Variants in CCSAP observed in about 807,000 individuals in gnomAD.
CCSAP encodes centriole, cilia and spindle-associated protein.
CCSAP carries 17 observed loss-of-function variants against 25.9 expected under a neutral mutation model. The observed-to-expected ratio is 0.66, with a 90% confidence interval of 0.45 to 0.99. The LOEUF (loss-of-function observed/expected upper bound fraction) is 0.99, where lower values mean the gene tolerates loss of function less well. Ranked by LOEUF, CCSAP falls within the 50% of genes least tolerant of loss-of-function variation. CCSAP has a pLI of 0.00. For synonymous variants in CCSAP, 169 were observed against 157.1 expected (o/e 1.08, Z -0.57); for missense variants, 339 against 367.8 (o/e 0.92, Z 0.64).
At position 229,342,011 on chromosome 1, in the gene CCSAP, G is replaced by C. The variant is rs1418289389; in HGVS notation, c.367+88C>G. On this transcript the variant is annotated intron_variant, in intron 2 of 3. Transcript: ENST00000284617. The surrounding 1 kb of genome is among the most constrained non-coding windows in gnomAD (Gnocchi z 7.5). ...AAAAAGGAAGAGCCAGCCCCGAGTG[G>C]CGCAAGAAATAAGAGATCAGCTGCT... 5.6e-6 allele frequency: 7 copies of C among 1,252,938 alleles called. No homozygotes were observed. The highest frequency in any genetic ancestry group is 7.0e-6 in the Non-Finnish European group (7 of 998,080). The allele number at this position is 1,252,938 out of a possible 1,614,324, so 77.6% of individuals were successfully genotyped here.
chr1:229,324,901 A>G lies in CCSAP; in HGVS notation c.*334T>C, dbSNP rs1657906321. 1 of 199,010 alleles carries G rather than the reference A, an allele frequency of 5.0e-6. No individual in the cohort carries two copies. Among genetic ancestry groups the G allele is most frequent in the South Asian group, 9.6e-5 (1 of 10,462 alleles). 12.3% of individuals were successfully genotyped at this position (199,010 alleles called of 1,614,324 possible). ...CCTAAGCTTATGAAAAGAATACTGA[A>G]CTGTAAGCATCTGTTGCCATTTAAA... On this transcript the variant is annotated 3_prime_UTR_variant, in exon 4 of 4. Coordinates refer to ENST00000284617, the MANE Select transcript of CCSAP (RefSeq NM_145257.5).
chr1:229,338,069 A>T (rs1228705134), intron 2 of CCSAP, among the ~76,000 whole-genome samples: 2 of 152,208 alleles, frequency 1.3e-5, no homozygotes, highest in Admixed American at 6.5e-5. Flanking sequence ...ATTCAAACAC[A>T]GAACAGAGAT....
At chr1:229,341,198 A>AAAAAAAG in intron 2 of CCSAP, among the ~76,000 whole-genome samples, 1 of 151,722 alleles carries the variant, frequency 6.6e-6, no homozygotes, top group East Asian at 1.9e-4. Context: ...CGTCTCAAAA[A>AAAAAAAG]AAAAAAAAAA....
chr1:229,338,140 G>A (rs1041820915), intron 2 of CCSAP, among the ~76,000 whole-genome samples: 1 of 152,120 alleles, frequency 6.6e-6, no homozygotes, highest in Non-Finnish European at 1.5e-5. Context: ...ATGGGTGTTG[G>A]TATGTGTCTG....
At chr1:229,336,780 TTTTTC>T (rs912363923) in intron 2 of CCSAP, among the ~76,000 whole-genome samples, 33 of 152,192 alleles carry the variant, frequency 2.2e-4, no homozygotes, top group African/African-American at 5.3e-4. Context: ...ATTTCTGGCC[TTTTTC>T]TTTTCTTTTC....
Position 229,342,559 on chromosome 1 carries a change from C to T in CCSAP, c.-48-46G>A. 3 of 841,974 alleles carry T rather than the reference C, an allele frequency of 3.6e-6. No individual in the cohort carries two copies. The highest frequency in any genetic ancestry group is 4.8e-6 in the Non-Finnish European group (3 of 631,226). The allele number at this position is 841,974 out of a possible 1,614,324, so 52.2% of individuals were successfully genotyped here. A position where few individuals can be genotyped will look rare whatever the true frequency, so the allele number is the denominator to read the frequency against. On this transcript the variant is annotated intron_variant, in intron 1 of 3. Transcript: ENST00000284617. This position sits in a 1 kb window ranked among gnomAD's most constrained non-coding sequence, Gnocchi z 7.5. ...CACAGAGGCCGCCCCGCCCCTCCGC[C>T]GGCCCTGCCCGCCGCGACGTTTAAA...
rs564154059 is a variant in CCSAP at position 229,328,047 on chromosome 1, C to T, written c.368-1041G>A. 2.0e-4 allele frequency among the ~76,000 whole-genome samples: 31 copies of T among 152,244 alleles called. 1 individual carries two copies. The highest frequency in any genetic ancestry group is 1.9e-3 in the Admixed American group (29 of 15,306). On this transcript the variant is annotated intron_variant, in intron 2 of 3. Coordinates refer to ENST00000284617, the MANE Select transcript of CCSAP (RefSeq NM_145257.5). ...AACCTCAGATAGCAAGGATGTACTCCAAAAAATATCTATTCCACTGAATTA... is the reference window on the plus strand; with the variant it reads ...AACCTCAGATAGCAAGGATGTACTCTAAAAAATATCTATTCCACTGAATTA...
intron 2 of CCSAP, among the ~76,000 whole-genome samples, chr1:229,341,139 A>G (rs549042496): frequency 2.0e-5 from 3 of 147,804 alleles, no homozygotes; most frequent in Non-Finnish European, 4.4e-5. Context: ...GGTTGCAGTG[A>G]GCCGAGATCG....
At position 229,342,284 on chromosome 1, in the gene CCSAP, G is replaced by T; in HGVS notation, c.182C>A (p.Ser61Ter). 1 of 1,376,426 alleles carries T rather than the reference G, an allele frequency of 7.3e-7. No individual in the cohort carries two copies. The highest frequency in any genetic ancestry group is 9.4e-7 in the Non-Finnish European group (1 of 1,064,574). 85.3% of individuals were successfully genotyped at this position (1,376,426 alleles called of 1,614,324 possible). Residue 61 changes from serine to a stop codon, truncating the protein, a stop_gained, in exon 2 of 4, where the codon TCG becomes TAG. Transcript: ENST00000284617. LOFTEE classifies it high-confidence loss of function. The surrounding 1 kb of genome is among the most constrained non-coding windows in gnomAD (Gnocchi z 7.5). ...DWGPAGSSED[S>*]ASSESSGAGG... ...GGCGCCCGACGACTCTGACGACGCC[G>T]AGTCCTCCGAGGAGCCGGCCGGGCC...
chr1:229,331,768 G>A (rs1289349723), intron 2 of CCSAP, among the ~76,000 whole-genome samples: 1 of 149,296 alleles, frequency 6.7e-6, no homozygotes, highest in Non-Finnish European at 1.5e-5. Context: ...CTCTTCATCT[G>A]TGTCCTTTCT....
intron 2 of CCSAP, chr1:229,327,207 C>CA (rs997717573): frequency 2.1e-6 from 1 of 478,662 alleles, no homozygotes; most frequent in South Asian, 3.0e-5. Context: ...AAATCAACAA[C>CA]AAATATACCA....
At chr1:229,335,902 C>A (rs1241425407) in intron 2 of CCSAP, among the ~76,000 whole-genome samples, 2 of 151,740 alleles carry the variant, frequency 1.3e-5, no homozygotes, top group Non-Finnish European at 2.9e-5. Context: ...CTCACTCAAC[C>A]ATGAATTGAA....
At chr1:229,338,393 C>G (rs1431976216) in intron 2 of CCSAP, among the ~76,000 whole-genome samples, 1 of 152,078 alleles carries the variant, frequency 6.6e-6, no homozygotes, top group East Asian at 1.9e-4. Context: ...CACATGTAAA[C>G]TTTGCTAAAA....
intron 2 of CCSAP, chr1:229,340,554 A>G (rs370597603): frequency 2.4e-5 from 16 of 666,304 alleles, no homozygotes; most frequent in African/African-American, 1.8e-4. Flanking sequence ...CAATTTAGCT[A>G]GCAGATCAGT....
At chr1:229,336,139 C>A (rs900887328) in intron 2 of CCSAP, among the ~76,000 whole-genome samples, 1 of 147,036 alleles carries the variant, frequency 6.8e-6, no homozygotes, top group Non-Finnish European at 1.5e-5. Flanking sequence ...GGGGGTATCT[C>A]GGATGCAATC....
At chr1:229,340,827 G>C (rs555018686) in intron 2 of CCSAP, among the ~76,000 whole-genome samples, 10 of 152,190 alleles carry the variant, frequency 6.6e-5, no homozygotes, top group Non-Finnish European at 1.5e-4. Flanking sequence ...TGATTGGCTT[G>C]CAATCGGGTA....
intron 2 of CCSAP, among the ~76,000 whole-genome samples, chr1:229,330,429 G>A (rs556004527): frequency 3.8e-4 from 58 of 152,284 alleles, no homozygotes; most frequent in African/African-American, 1.3e-3. Context: ...AAACAGGCCC[G>A]GGGACACCGT....
chr1:229,329,155 TGA>T (rs909763204), intron 2 of CCSAP, among the ~76,000 whole-genome samples: 2 of 152,134 alleles, frequency 1.3e-5, no homozygotes, highest in Non-Finnish European at 2.9e-5. Context: ...ACAGTGATAC[TGA>T]GAGAGAGAAA....
intron 2 of CCSAP, among the ~76,000 whole-genome samples, chr1:229,336,323 C>T (rs575643898): frequency 6.6e-6 from 1 of 151,824 alleles, no homozygotes; most frequent in East Asian, 1.9e-4. Flanking sequence ...GCGGCAGAAG[C>T]AGGGGAGGCT....
Sources: allele counts gnomAD v4.1 joint callset (sites outside exome capture counted in the v4.1 genomes callset), GRCh38; gene constraint gnomAD v4.1.1; non-coding constraint Gnocchi (gnomAD v3.1); transcripts MANE v1.5; gene names NCBI Gene and HGNC (gene_info 2026-07-23, HGNC 2026-07-21).